Variants in RAPGEF2 observed in about 807,000 individuals in gnomAD.
RAPGEF2 encodes Rap guanine nucleotide exchange factor 2, also known as PDZ domain containing guanine nucleotide exchange factor (GEF) 1.
A neutral mutation model predicts 186.7 loss-of-function variants in RAPGEF2; 54 were observed. The ratio of observed to expected loss-of-function variants is 0.29; its 90% CI spans 0.23 to 0.36. The LOEUF (loss-of-function observed/expected upper bound fraction) is 0.36. RAPGEF2 is among the 10% of genes least tolerant of loss of function. The probability of loss-of-function intolerance (pLI) is 1.00; values close to 1 mark genes in which losing one functional copy is unlikely to be tolerated. For missense variants in RAPGEF2, 1,532 were observed against 2,045.0 expected, an observed-to-expected ratio of 0.75 and a Z score of 4.84; for synonymous variants, 712 against 705.9, an observed-to-expected ratio of 1.01 and a Z score of -0.14.
chr4:159,335,969 C>T (rs1767361840), intron 17 of RAPGEF2, among the ~76,000 whole-genome samples: 1 of 151,370 alleles, frequency 6.6e-6, no homozygotes, highest in African/African-American at 2.4e-5. Flanking sequence ...TCATGTATTA[C>T]ATAGCAGGTT....
intron 4 of RAPGEF2, among the ~76,000 whole-genome samples, chr4:159,238,288 CTTAAG>C (rs958682678): frequency 3.9e-5 from 6 of 151,990 alleles, no homozygotes. Flanking sequence ...GAAATAAAGT[CTTAAG>C]TTGAGTATCT....
chr4:159,135,331 T>A (rs1412363710), intron 1 of RAPGEF2, among the ~76,000 whole-genome samples: 3 of 150,286 alleles, frequency 2.0e-5, no homozygotes, highest in Non-Finnish European at 3.0e-5. Context: ...CAGGCGTAAG[T>A]CATTGCGCCT....
At chr4:159,208,229 AT>A (rs1446720785) in intron 3 of RAPGEF2, among the ~76,000 whole-genome samples, 14 of 152,246 alleles carry the variant, frequency 9.2e-5, no homozygotes, top group Admixed American at 2.0e-4. Context: ...TTATTAAGTA[AT>A]GTAATTATTC....
chr4:159,331,003 C>T (rs562288725), intron 13 of RAPGEF2, among the ~76,000 whole-genome samples: 4 of 152,276 alleles, frequency 2.6e-5, no homozygotes, highest in African/African-American at 9.6e-5. Context: ...GTCTTATCTC[C>T]TTCCTTTTAT....
At chr4:159,132,907 ATG>A (rs1741268828) in intron 1 of RAPGEF2, among the ~76,000 whole-genome samples, 1 of 149,714 alleles carries the variant, frequency 6.7e-6, no homozygotes, top group Admixed American at 6.7e-5. Context: ...CATAGTTCAC[ATG>A]TCAAAAAGTA....
At chr4:159,283,161 CA>C (rs906767530) in intron 7 of RAPGEF2, among the ~76,000 whole-genome samples, 35 of 152,168 alleles carry the variant, frequency 2.3e-4, no homozygotes, top group Middle Eastern at 6.8e-3. Flanking sequence ...ACCCTGATCT[CA>C]AAAGAGATAA....
chr4:159,145,320 AT>A (rs1405704589), intron 1 of RAPGEF2, among the ~76,000 whole-genome samples: 1 of 152,268 alleles, frequency 6.6e-6, no homozygotes, highest in African/African-American at 2.4e-5. Context: ...CACCTGTGTA[AT>A]TTTTAATTTT....
intron 1 of RAPGEF2, among the ~76,000 whole-genome samples, chr4:159,181,055 CAT>C (rs934982594): frequency 6.6e-6 from 1 of 152,190 alleles, no homozygotes; most frequent in African/African-American, 2.4e-5. Context: ...TACTAACACA[CAT>C]AATGTGTATG....
intron 1 of RAPGEF2, among the ~76,000 whole-genome samples, chr4:159,162,895 T>C (rs1744868669): frequency 6.6e-6 from 1 of 152,078 alleles, no homozygotes; most frequent in Non-Finnish European, 1.5e-5. Flanking sequence ...AATTTTTTTT[T>C]CCGTAAGATT....
chr4:159,203,261 C>A (rs1579453912), intron 3 of RAPGEF2, among the ~76,000 whole-genome samples: 1 of 152,198 alleles, frequency 6.6e-6, no homozygotes, highest in Admixed American at 6.5e-5. Context: ...CTTTGACTTT[C>A]AAGCACTTTA....
chr4:159,299,984 C>T (rs1158637104), intron 7 of RAPGEF2, among the ~76,000 whole-genome samples: 1 of 151,854 alleles, frequency 6.6e-6, no homozygotes, highest in Non-Finnish European at 1.5e-5. Context: ...GTGCCAGGCA[C>T]TTCTCTAAGT....
chr4:159,303,496 A>AT (rs1184651114), intron 7 of RAPGEF2, among the ~76,000 whole-genome samples: 1 of 152,132 alleles, frequency 6.6e-6, no homozygotes, highest in Non-Finnish European at 1.5e-5. Flanking sequence ...GACAAATATA[A>AT]TGTCTTTTTT....
In RAPGEF2 at chr4:159,341,454, T is replaced by G. The variant is rs79166980; in HGVS notation, c.2535-110T>G. On this transcript the variant is annotated intron_variant, in intron 19 of 29. Coordinates refer to ENST00000691494, the MANE Select transcript of RAPGEF2 (RefSeq NM_001394067.2). ...TGGTTAAAAAGAAATCTTCCATAAT[T>G]CAAATCAGTGCTCTCTCAAACTTTC... is the stretch of plus-strand genomic sequence containing the variant. 7.0e-3 allele frequency: 7,994 copies of G among 1,135,058 alleles called. 45 individuals are homozygous for G. The highest frequency in any genetic ancestry group is 8.8e-3 in the Non-Finnish European group (7,177 of 813,816). 70.3% of individuals were successfully genotyped at this position (1,135,058 alleles called of 1,614,324 possible). A position where few individuals can be genotyped will look rare whatever the true frequency, so the allele number is the denominator to read the frequency against.
chr4:159,255,145 G>A (rs1755997441), intron 7 of RAPGEF2, among the ~76,000 whole-genome samples: 1 of 152,114 alleles, frequency 6.6e-6, no homozygotes. Context: ...AGCTAGGTGT[G>A]TAGTAGGCAA....
At chr4:159,318,675 A>C (rs115630883) in intron 9 of RAPGEF2, among the ~76,000 whole-genome samples, 1 of 152,154 alleles carries the variant, frequency 6.6e-6, no homozygotes, top group Admixed American at 6.5e-5. Flanking sequence ...GAATAGTTTT[A>C]AAAAATTTTT....
intron 1 of RAPGEF2, among the ~76,000 whole-genome samples, chr4:159,109,898 T>C (rs958172692): frequency 2.0e-5 from 3 of 152,196 alleles, no homozygotes; most frequent in African/African-American, 7.2e-5. Flanking sequence ...ATTACTGGCA[T>C]TTAGAAGCTC....
chr4:159,215,830 TGCCAATAGGAGGTTGGTAATTAAG>T (rs1246185182), intron 4 of RAPGEF2, among the ~76,000 whole-genome samples: 3 of 152,180 alleles, frequency 2.0e-5, no homozygotes, highest in African/African-American at 7.2e-5. Flanking sequence ...ATTTCCAAGA[TGCCAATAGGAGGTTGGTAATTAAG>T]GCTGGAAACC....
intron 1 of RAPGEF2, among the ~76,000 whole-genome samples, chr4:159,125,691 G>C (rs796452769): frequency 3.3e-5 from 5 of 151,864 alleles, no homozygotes; most frequent in African/African-American, 1.2e-4. Context: ...ATGGGTGGCA[G>C]AGCTTGCAGT....
At chr4:159,238,952 A>T in intron 5 of RAPGEF2, 68 bp downstream of exon 5, 1 of 955,736 alleles carries the variant, frequency 1.0e-6, no homozygotes, top group Non-Finnish European at 1.5e-6. Context: ...ATTTTTATAA[A>T]CTGCTTATAA....
Sources: allele counts gnomAD v4.1 joint callset (sites outside exome capture counted in the v4.1 genomes callset), GRCh38; gene constraint gnomAD v4.1.1; transcripts MANE v1.5; gene names NCBI Gene and HGNC (gene_info 2026-07-23, HGNC 2026-07-21).